The following FMN2 variants were observed in gnomAD, a reference collection of about 807,000 sequenced individuals.
FMN2 encodes formin 2, also known as formin-2.
In FMN2, 51 loss-of-function variants were observed where a neutral mutation model predicts 142.3. The ratio of observed to expected loss-of-function variants is 0.36; its 90% CI spans 0.29 to 0.45. The LOEUF (loss-of-function observed/expected upper bound fraction) is 0.45. Ranked by LOEUF, FMN2 falls within the 20% of genes least tolerant of loss-of-function variation. FMN2 has a pLI of 1.00. For synonymous variants in FMN2, 882 were observed against 869.8 expected (o/e 1.01, Z -0.25); for missense variants, 1,936 against 2,122.8 (o/e 0.91, Z 1.73).
chr1:240,470,294 G>A (rs1490797373), intron 16 of FMN2, among the ~76,000 whole-genome samples: 2 of 152,032 alleles, frequency 1.3e-5, no homozygotes, highest in African/African-American at 2.4e-5. Context: ...GGGAGATGGG[G>A]ATGCTGCAAT....
chr1:240,396,500 G>A (rs111767442), intron 15 of FMN2, among the ~76,000 whole-genome samples: 3 of 151,940 alleles, frequency 2.0e-5, no homozygotes, highest in African/African-American at 7.2e-5. Context: ...ACACGTGCAG[G>A]TTTGTTACAT....
intron 7 of FMN2, among the ~76,000 whole-genome samples, chr1:240,264,313 A>G (rs143400945): frequency 1.3e-5 from 2 of 152,322 alleles, no homozygotes; most frequent in East Asian, 3.9e-4. Context: ...GTCCTAATGT[A>G]GCAGGTACCA....
intron 13 of FMN2, among the ~76,000 whole-genome samples, chr1:240,347,209 T>C (rs1191215292): frequency 6.6e-6 from 1 of 152,196 alleles, no homozygotes; most frequent in Non-Finnish European, 1.5e-5. Flanking sequence ...AGAAAGAGGA[T>C]GCTGAGGAAA....
At chr1:240,439,475 T>G (rs1039495159) in intron 16 of FMN2, among the ~76,000 whole-genome samples, 4 of 152,144 alleles carry the variant, frequency 2.6e-5, no homozygotes, top group African/African-American at 9.6e-5. Flanking sequence ...ATAGAGCCTG[T>G]AAACCATGCC....
chr1:240,208,617 A>G lies in FMN2; in HGVS notation c.3805A>G (p.Ser1269Gly). Residue 1269 changes from serine (S) to glycine (G), a missense_variant, in exon 5 of 18, where the codon AGT becomes GGT. This residue lies in a region of FMN2 where 259 missense variants were observed against 230.9 expected (regional missense o/e 1.12). Coordinates refer to ENST00000319653, the MANE Select transcript of FMN2 (RefSeq NM_020066.5). ...TGGATTTCTTCCTCCTCCATTGCCA[A>G]GTGGCTTGTTTGGATTAGGGATGAA... is the stretch of plus-strand genomic sequence containing the variant. ...VCGFLPPPLP[S>G]GLFGLGMNQD... is the part of the protein sequence containing the mutation. 1 of 1,613,858 alleles carries G rather than the reference A, an allele frequency of 6.2e-7. No individual in the cohort carries two copies. The highest frequency in any genetic ancestry group is 8.5e-7 in the Non-Finnish European group (1 of 1,180,018).
At chr1:240,466,586 G>A (rs991800652) in intron 16 of FMN2, among the ~76,000 whole-genome samples, 21 of 152,008 alleles carry the variant, frequency 1.4e-4, no homozygotes, top group African/African-American at 4.6e-4. Flanking sequence ...CACCTCCCAG[G>A]GGTAGTTCTC....
At chr1:240,151,977 G>C (rs1287991358) in intron 2 of FMN2, among the ~76,000 whole-genome samples, 1 of 151,934 alleles carries the variant, frequency 6.6e-6, no homozygotes, top group African/African-American at 2.4e-5. Flanking sequence ...ATGTTGCCCA[G>C]GCTGCTCTCG....
intron 8 of FMN2, among the ~76,000 whole-genome samples, chr1:240,305,952 T>A (rs746755477): frequency 1.3e-4 from 10 of 79,332 alleles, no homozygotes; most frequent in Non-Finnish European, 2.5e-4. Flanking sequence ...TGCTTGTAAG[T>A]TTTTTTTTTT....
chr1:240,372,507 A>G (rs192924835), intron 14 of FMN2, among the ~76,000 whole-genome samples: 6 of 151,384 alleles, frequency 4.0e-5, no homozygotes, highest in African/African-American at 1.4e-4. Context: ...ATTTTTATAG[A>G]TGGAATATAT....
In FMN2 at chr1:240,092,875, C is replaced by A. The variant is rs959329073; in HGVS notation, c.766C>A (p.Pro256Thr). The A allele has an allele frequency of 6.5e-7, 1 of 1,528,994 alleles. No individual in the cohort carries two copies. Among genetic ancestry groups the A allele is most frequent in the Non-Finnish European group, 8.7e-7 (1 of 1,142,940 alleles). The allele number at this position is 1,528,994 out of a possible 1,614,324, so 94.7% of individuals were successfully genotyped here. Reference protein sequence around the residue: ...FLGLDRFLLGPSGGAGEAPGS... With the variant: ...FLGLDRFLLGTSGGAGEAPGS... The stretch of plus-strand genomic sequence containing the variant: ...GGGCCTGGACCGGTTCCTGCTGGGG[C>A]CGAGCGGCGGGGCTGGGGAGGCCCC... Residue 256 changes from proline to threonine, a missense_variant, in exon 1 of 18, where the codon CCG (proline) becomes ACG (threonine). By Grantham distance (38) the Pro-to-Thr change is conservative (BLOSUM62 -1). Coordinates refer to ENST00000319653, the MANE Select transcript of FMN2 (RefSeq NM_020066.5).
intron 2 of FMN2, chr1:240,144,816 G>T: frequency 1.4e-6 from 2 of 1,432,788 alleles, no homozygotes; most frequent in Non-Finnish European, 2.0e-6. Context: ...TCCTTCACCA[G>T]AGTGAGCAGT....
chr1:240,444,999 T>G (rs2883927), intron 16 of FMN2, among the ~76,000 whole-genome samples: 33,865 of 152,162 alleles, frequency 0.22, 4,745 homozygotes, highest in African/African-American at 0.39. Context: ...AACCATTCAC[T>G]CTTTTCATTC....
intron 14 of FMN2, among the ~76,000 whole-genome samples, chr1:240,358,547 C>G (rs767953210): frequency 3.3e-5 from 5 of 152,120 alleles, no homozygotes; most frequent in Admixed American, 3.3e-4. Context: ...CACTTCAGCA[C>G]GTCTGGGGAG....
At chr1:240,236,291 G>A (rs1667707117) in intron 6 of FMN2, among the ~76,000 whole-genome samples, 1 of 152,114 alleles carries the variant, frequency 6.6e-6, no homozygotes, top group Non-Finnish European at 1.5e-5. Flanking sequence ...GTTCAGAATG[G>A]AAGCTTTTAG....
intron 8 of FMN2, among the ~76,000 whole-genome samples, chr1:240,295,255 A>G (rs1040366363): frequency 2.6e-5 from 4 of 152,032 alleles, no homozygotes; most frequent in African/African-American, 9.7e-5. Flanking sequence ...TAAAATATGT[A>G]ACTGAAAAAG....
chr1:240,226,629 G>T (rs1270818891), intron 6 of FMN2, among the ~76,000 whole-genome samples: 4 of 152,110 alleles, frequency 2.6e-5, no homozygotes, highest in Admixed American at 6.5e-5. Context: ...ACAAAACATA[G>T]TATAATTACA....
At chr1:240,468,212 G>GTGTGTGTA (rs1558123788) in intron 16 of FMN2, among the ~76,000 whole-genome samples, 6 of 146,138 alleles carry the variant, frequency 4.1e-5, no homozygotes, top group African/African-American at 1.5e-4. Context: ...ATATATGTGT[G>GTGTGTGTA]TGTGTGTGTG....
chr1:240,288,022 A>G (rs926055196), intron 7 of FMN2, among the ~76,000 whole-genome samples: 2 of 152,220 alleles, frequency 1.3e-5, no homozygotes, highest in Admixed American at 6.5e-5. Context: ...TGAAAGGACA[A>G]TCAGAGTGAT....
chr1:240,341,436 A>G (rs770204984), intron 13 of FMN2: 14 of 152,068 alleles, frequency 9.2e-5, no homozygotes, highest in Non-Finnish European at 4.4e-5. Context: ...TGCTCGTTCT[A>G]TTCTTTACCC....
Sources: gnomAD v4.1 joint callset for allele counts (sites outside exome capture counted in the v4.1 genomes callset) on GRCh38, gnomAD v4.1.1 for gene constraint, gnomAD v4.1.1 regional missense constraint, MANE v1.5 for transcripts, NCBI Gene and HGNC (gene_info 2026-07-23, HGNC 2026-07-21) for gene names.